Variants in CTTNBP2 observed in about 807,000 individuals in gnomAD.
The protein encoded by CTTNBP2 is cortactin-binding protein 2.
Under a neutral mutation model 156.9 loss-of-function variants are expected in CTTNBP2, and 108 were observed. That is an observed-to-expected ratio of 0.69 (90% CI 0.59 to 0.81). The LOEUF (loss-of-function observed/expected upper bound fraction) is 0.81, where lower values mean the gene tolerates loss of function less well. Among genes scored for constraint, CTTNBP2 ranks in the 30% least tolerant of loss-of-function variants. The probability of loss-of-function intolerance (pLI) is 0.00; values close to 1 mark genes in which losing one functional copy is unlikely to be tolerated. For synonymous variants in CTTNBP2, 767 were observed against 751.8 expected (o/e 1.02, Z -0.33); for missense variants, 1,924 against 2,035.4 (o/e 0.95, Z 1.05).
At chr7:117,734,729 G>C (rs1406569920) in intron 16 of CTTNBP2, among the ~76,000 whole-genome samples, 184 bp downstream of exon 16, 1 of 152,186 alleles carries the variant, frequency 6.6e-6, no homozygotes, top group Non-Finnish European at 1.5e-5. Flanking sequence ...GCTTTTTCTT[G>C]TAGTTAATGT....
intron 19 of CTTNBP2, among the ~76,000 whole-genome samples, chr7:117,722,943 T>G (rs148192905): frequency 2.8e-4 from 42 of 152,170 alleles, no homozygotes; most frequent in Non-Finnish European, 5.4e-4. Context: ...TCTCTGTAAA[T>G]GGAGATCATT....
At chr7:117,739,985 TAC>T (rs1262217003) in intron 14 of CTTNBP2, among the ~76,000 whole-genome samples, 3 of 152,198 alleles carry the variant, frequency 2.0e-5, no homozygotes, top group Non-Finnish European at 4.4e-5. Flanking sequence ...TTTTACTGTT[TAC>T]AGTCACTGTA....
At chr7:117,846,215 T>C (rs1802579072) in intron 2 of CTTNBP2, among the ~76,000 whole-genome samples, 1 of 152,302 alleles carries the variant, frequency 6.6e-6, no homozygotes, top group South Asian at 2.1e-4. Flanking sequence ...TGACAGAATA[T>C]AGAAGAATAA....
chr7:117,824,473 A>G (rs530951404), intron 2 of CTTNBP2, among the ~76,000 whole-genome samples: 1 of 152,254 alleles, frequency 6.6e-6, no homozygotes, highest in East Asian at 1.9e-4. Context: ...TAAGTTTGTT[A>G]CTGATTCAAT....
At chr7:117,717,942 A>G (rs541209327) in intron 22 of CTTNBP2, 76 bp downstream of exon 22, 1 of 906,018 alleles carries the variant, frequency 1.1e-6, no homozygotes, top group Admixed American at 1.8e-5. Context: ...TCTGTGATTC[A>G]CACTGAAAGA....
At chr7:117,868,505 A>G (rs192052763) in intron 1 of CTTNBP2, among the ~76,000 whole-genome samples, 303 of 152,322 alleles carry the variant, frequency 2.0e-3, no homozygotes, top group African/African-American at 6.6e-3. Context: ...CCCCTACTCT[A>G]AAATCAGGAT....
At chr7:117,755,832 G>A (rs1403834810) in intron 12 of CTTNBP2, among the ~76,000 whole-genome samples, 3 of 152,186 alleles carry the variant, frequency 2.0e-5, no homozygotes, top group African/African-American at 7.2e-5. Flanking sequence ...GCTAGGCACC[G>A]ATAGGTGTCT....
At chr7:117,743,165 C>T (rs1259976872) in intron 14 of CTTNBP2, among the ~76,000 whole-genome samples, 2 of 152,188 alleles carry the variant, frequency 1.3e-5, no homozygotes, top group Admixed American at 1.3e-4. Flanking sequence ...ACCTTTGCAT[C>T]CTTCGTGACC....
At chr7:117,767,335 A>G (rs1797539157) in intron 8 of CTTNBP2, 159 bp from the exon 9 acceptor site, 2 of 586,232 alleles carry the variant, frequency 3.4e-6, no homozygotes, top group Non-Finnish European at 6.1e-6. Context: ...TTAATCTTAA[A>G]CTAAACAATG....
At chr7:117,871,811 A>T in intron 1 of CTTNBP2, 1 of 371,794 alleles carries the variant, frequency 2.7e-6, no homozygotes, top group South Asian at 1.3e-4. Flanking sequence ...ACACACACAC[A>T]CACACACCCT....
chr7:117,715,972 G>A (rs1040789881), intron 22 of CTTNBP2: 10 of 152,142 alleles, frequency 6.6e-5, no homozygotes, highest in African/African-American at 2.4e-4. Flanking sequence ...GCTGCCAACA[G>A]TAAGTACCAC....
rs569839918 is a variant in CTTNBP2 at position 117,719,407 on chromosome 7, C to T, written c.4644+97G>A. 7.0e-4 allele frequency: 811 copies of T among 1,152,234 alleles called. 2 individuals carry two copies. Among genetic ancestry groups the T allele is most frequent in the Non-Finnish European group, 9.0e-4 (744 of 824,662 alleles). The allele number at this position is 1,152,234 out of a possible 1,614,324, so 71.4% of individuals were successfully genotyped here. A position where few individuals can be genotyped will look rare whatever the true frequency, so the allele number is the denominator to read the frequency against. ...GGTTTGATTTGGATCATTAACCATA[C>T]TATCAATAAGGAATTTCTTTTAGGG... On this transcript the variant is annotated intron_variant, in intron 21 of 22. Transcript: ENST00000160373.
rs139489281 is a variant in CTTNBP2 at position 117,844,647 on chromosome 7, G to A, written c.189+16562C>T. On this transcript the variant is annotated intron_variant, in intron 2 of 22. Transcript: ENST00000160373. ...GGCAAAAGGAAACAATGTCACAACA[G>A]CTAAAGGGAAGGCAGGGTGGATTTG... 2.9e-3 allele frequency among the ~76,000 whole-genome samples: 448 copies of A among 152,304 alleles called. 3 individuals are homozygous for A. Among genetic ancestry groups the A allele is most frequent in the African/African-American group, 0.01 (431 of 41,566 alleles).
At chr7:117,776,055 T>G (rs1429844870) in intron 8 of CTTNBP2, among the ~76,000 whole-genome samples, 1 of 152,192 alleles carries the variant, frequency 6.6e-6, no homozygotes, top group African/African-American at 2.4e-5. Flanking sequence ...TAAATACACA[T>G]CTTTAGCTAT....
At chr7:117,721,922 C>T (rs1794812585) in intron 19 of CTTNBP2, among the ~76,000 whole-genome samples, 2 of 152,194 alleles carry the variant, frequency 1.3e-5, no homozygotes, top group African/African-American at 2.4e-5. Context: ...TGCATTAAAA[C>T]AGTTGCTTTT....
At chr7:117,761,485 A>G (rs1426136855) in intron 9 of CTTNBP2, among the ~76,000 whole-genome samples, 2 of 152,182 alleles carry the variant, frequency 1.3e-5, no homozygotes, top group South Asian at 2.1e-4. Flanking sequence ...CAAATATTCT[A>G]TGTTCATTGA....
In CTTNBP2 at chr7:117,791,317, C is replaced by T; in HGVS notation, c.1879G>A (p.Ala627Thr). 6.2e-7 allele frequency: 1 copy of T among 1,614,172 alleles called. No individual in the cohort carries two copies. The highest frequency in any genetic ancestry group is 1.1e-5 in the South Asian group (1 of 91,074). ...IDLTVAPAGC[A>T]VSALATSQVG... ...TGAGACGTGGCCAGGGCTGAAACGG[C>T]ACAGCCTGCAGGTGCCACAGTTAAA... is the stretch of plus-strand genomic sequence containing the variant. Residue 627 changes from alanine (A) to threonine (T), a missense_variant, in exon 4 of 23, where the codon GCC becomes ACC. Physicochemically the swap from Ala to Thr is moderately conservative, Grantham distance 58. Coordinates refer to ENST00000160373, the MANE Select transcript of CTTNBP2 (RefSeq NM_033427.3).
At chr7:117,795,853 C>T (rs1452141594) in intron 3 of CTTNBP2, among the ~76,000 whole-genome samples, 1 of 152,128 alleles carries the variant, frequency 6.6e-6, no homozygotes, top group Non-Finnish European at 1.5e-5. Flanking sequence ...ACAGAGGAAA[C>T]CTCACAATTG....
rs1268359513 is a variant in CTTNBP2, at chr7:117,791,311, A to T, written c.1885T>A (p.Ser629Thr). 6.2e-7 allele frequency: 1 copy of T among 1,614,194 alleles called. No homozygotes were observed. Among genetic ancestry groups the T allele is most frequent in the Non-Finnish European group, 8.5e-7 (1 of 1,180,046 alleles). ...CCCACCTGAGACGTGGCCAGGGCTGAAACGGCACAGCCTGCAGGTGCCACA... is the reference window on the plus strand; with the variant it reads ...CCCACCTGAGACGTGGCCAGGGCTGTAACGGCACAGCCTGCAGGTGCCACA... The part of the protein sequence containing the change: ...LTVAPAGCAV[S>T]ALATSQVGAW... Residue 629 changes from serine (S) to threonine (T), a missense_variant, in exon 4 of 23, where the codon TCA becomes ACA. Ser to Thr is a moderately conservative substitution (Grantham distance 58). Transcript: ENST00000160373.
Sources: gnomAD v4.1 joint callset for allele counts (sites outside exome capture counted in the v4.1 genomes callset) on GRCh38, gnomAD v4.1.1 for gene constraint, MANE v1.5 for transcripts, NCBI Gene and HGNC (gene_info 2026-07-23, HGNC 2026-07-21) for gene names.